Variants in ZRANB1 observed in about 807,000 individuals in gnomAD.
ZRANB1 encodes the protein ubiquitin thioesterase ZRANB1.
Under a neutral mutation model 80.5 loss-of-function variants are expected in ZRANB1, and 16 were observed. The ratio of observed to expected loss-of-function variants is 0.20; its 90% CI spans 0.13 to 0.30. The LOEUF is 0.30. ZRANB1 is among the 10% of genes least tolerant of loss of function. ZRANB1 has a pLI of 1.00. For synonymous variants in ZRANB1, 291 were observed against 293.1 expected (o/e 0.99, Z 0.07); for missense variants, 576 against 862.6 (o/e 0.67, Z 4.16).
intron 1 of ZRANB1, among the ~76,000 whole-genome samples, chr10:124,949,442 CACAT>C (rs1453349490): frequency 1.1e-5 from 1 of 88,278 alleles, no homozygotes; most frequent in East Asian, 4.0e-4. Flanking sequence ...TATGTTTACA[CACAT>C]ATGTATATAT....
the ZRANB1 span, among the ~76,000 whole-genome samples, chr10:124,934,187 G>C: frequency 6.6e-6 from 1 of 152,138 alleles, no homozygotes; most frequent in Non-Finnish European, 1.5e-5. Context: ...GTTAATTAAG[G>C]CATAGTGCTG....
At chr10:124,977,275 C>CTTT (rs201153304) in intron 5 of ZRANB1, among the ~76,000 whole-genome samples, 5 of 130,612 alleles carry the variant, frequency 3.8e-5, no homozygotes, top group African/African-American at 1.1e-4. Flanking sequence ...TGCACCTGGC[C>CTTT]TTTTTTTTTT....
chr10:124,926,448 C>CA, the ZRANB1 span, among the ~76,000 whole-genome samples: 1 of 152,114 alleles, frequency 6.6e-6, no homozygotes, highest in Admixed American at 6.5e-5. Context: ...AACTAGGACA[C>CA]ACGTTAGCTT....
At chr10:124,922,260 AATAT>A in the ZRANB1 span, among the ~76,000 whole-genome samples, 22 of 105,966 alleles carry the variant, frequency 2.1e-4, 1 homozygote, top group African/African-American at 6.3e-4. Flanking sequence ...ATATATGTAA[AATAT>A]ATATATATAT....
At chr10:124,981,577 A>G (rs1951934076) in intron 5 of ZRANB1, 132 bp from the exon 6 acceptor site, 2 of 870,992 alleles carry the variant, frequency 2.3e-6, no homozygotes, top group Non-Finnish European at 1.6e-6. Flanking sequence ...TACATTACCA[A>G]CCAGACAAAA....
At chr10:124,978,749 C>T (rs1318633257) in intron 5 of ZRANB1, among the ~76,000 whole-genome samples, 2 of 151,484 alleles carry the variant, frequency 1.3e-5, no homozygotes, top group Admixed American at 6.6e-5. Flanking sequence ...ACCTCAGCCT[C>T]CCAAGTAGCT....
the ZRANB1 span, among the ~76,000 whole-genome samples, chr10:124,928,594 A>T: frequency 6.6e-6 from 1 of 152,250 alleles, no homozygotes; most frequent in Non-Finnish European, 1.5e-5. Context: ...AAAAGATTAC[A>T]TAAAATACTG....
Position 124,987,043 on chromosome 10 carries a change from A to AATT in ZRANB1, c.*2053_*2055dup, listed in dbSNP as rs1952065692. 2 of 152,610 alleles carry AATT rather than the reference A, an allele frequency of 1.3e-5. No homozygotes were observed. Among genetic ancestry groups the AATT allele is most frequent in the Admixed American group, 6.5e-5 (1 of 15,280 alleles). 9.5% of individuals were successfully genotyped at this position (152,610 alleles called of 1,614,324 possible). A position where few individuals can be genotyped will look rare whatever the true frequency, so the allele number is the denominator to read the frequency against. On this transcript the variant is annotated 3_prime_UTR_variant, in exon 9 of 9. Transcript: ENST00000359653. ...TGCAGCATTCTTCCCTGTGGGAAAGAATTAAAGATGGTTCCATTTCCTAGG... is the reference window on the plus strand; with the variant it reads ...TGCAGCATTCTTCCCTGTGGGAAAGAATTATTAAAGATGGTTCCATTTCCTAGG...
chr10:124,936,795 G>A, the ZRANB1 span, among the ~76,000 whole-genome samples: 1 of 152,114 alleles, frequency 6.6e-6, no homozygotes, highest in African/African-American at 2.4e-5. Context: ...AGCATGCTTG[G>A]AAAATCCGTT....
Position 124,946,073 on chromosome 10 carries a change from G to A in ZRANB1, c.814+2766G>A, listed in dbSNP as rs114217553. Among the ~76,000 whole-genome samples, 1,086 of 152,258 alleles carry A rather than the reference G, an allele frequency of 7.1e-3. 17 individuals are homozygous for A. Among genetic ancestry groups the A allele is most frequent in the African/African-American group, 0.025 (1,029 of 41,552 alleles). ...CAGAGTGCCAGGATTACAGGGGTAA[G>A]CCACTGGGTCCGGCCCATCTCTTTG... On this transcript the variant is annotated intron_variant, in intron 1 of 8. Transcript: ENST00000359653.
chr10:124,981,931 AAAG>A (rs1420516205), intron 6 of ZRANB1, 102 bp downstream of exon 6: 13 of 1,436,416 alleles, frequency 9.1e-6, no homozygotes, highest in Non-Finnish European at 8.6e-6. Context: ...TGGTCAAAGA[AAAG>A]AATGCTTGAC....
chr10:124,951,067 G>A (rs747974747), intron 1 of ZRANB1, among the ~76,000 whole-genome samples: 4 of 151,714 alleles, frequency 2.6e-5, no homozygotes, highest in Non-Finnish European at 1.5e-5. Context: ...AAGTGTAGGC[G>A]TATTACATTT....
upstream of ZRANB1, chr10:124,942,072 G>A (rs2134240660): frequency 4.5e-6 from 4 of 894,606 alleles, no homozygotes; most frequent in South Asian, 1.9e-4. Context: ...AGTTTGTGTT[G>A]TTTCCTCTAC....
chr10:124,966,383 TA>T (rs1296866193), intron 1 of ZRANB1, among the ~76,000 whole-genome samples: 1 of 152,038 alleles, frequency 6.6e-6, no homozygotes, highest in African/African-American at 2.4e-5. Flanking sequence ...GATGGTAAGG[TA>T]AATGTCTAGG....
chr10:124,956,507 C>T (rs369740155), intron 1 of ZRANB1, among the ~76,000 whole-genome samples: 6 of 152,210 alleles, frequency 3.9e-5, no homozygotes, highest in East Asian at 3.9e-4. Context: ...CTTGCTCTGT[C>T]GCCCAGGCTG....
At chr10:124,978,463 G>A (rs1042980102) in intron 5 of ZRANB1, among the ~76,000 whole-genome samples, 1 of 152,194 alleles carries the variant, frequency 6.6e-6, no homozygotes, top group Non-Finnish European at 1.5e-5. Flanking sequence ...GTAGCTAGCT[G>A]TGCTGTTCTC....
In ZRANB1 at chr10:124,981,805, A is replaced by C. The variant is rs1442597832; in HGVS notation, c.1524A>C (p.Ala508=). ...AAGAACAGTGGCAAGAAGACTGGGC[A>C]TTTATACTCTCTCTTGCTAGTCAGG... ...LREEQWQEDW[A]FILSLASQPG... is the part of the protein sequence containing the mutation. The change falls in exon 6 of 9, where the codon GCA becomes GCC. Residue 508 remains alanine (A), a synonymous_variant. Transcript: ENST00000359653. The C allele has an allele frequency of 1.2e-6, 2 of 1,613,750 alleles. No homozygotes were observed. Among genetic ancestry groups the C allele is most frequent in the South Asian group, 2.2e-5 (2 of 91,022 alleles).
In ZRANB1 at chr10:124,977,711, GAAAAAAAAAAAAA is replaced by G. The variant is rs752296814; in HGVS notation, c.1427+3326_1427+3338del. Among the ~76,000 whole-genome samples, 24 of 48,722 alleles carry G rather than the reference GAAAAAAAAAAAAA, an allele frequency of 4.9e-4. 1 individual carries two copies. The South Asian group carries it at 0.013, about 25-fold the overall frequency. 32.0% of individuals were successfully genotyped at this position (48,722 alleles called of 152,430 possible). On this transcript the variant is annotated intron_variant, in intron 5 of 8. Coordinates refer to ENST00000359653, the MANE Select transcript of ZRANB1 (RefSeq NM_017580.3). ...AGGTGACAGAGTGAGACCCTGCTAAGAAAAAAAAAAAAAAAAAAAAAAAAAGATGGTTTGGTGG... is the reference window on the plus strand; with the variant it reads ...AGGTGACAGAGTGAGACCCTGCTAAGAAAAAAAAAAAAGATGGTTTGGTGG...
Position 124,974,276 on chromosome 10 carries a change from T to A in ZRANB1, c.1305T>A (p.Leu435=). Residue 435 remains leucine, a synonymous_variant, in exon 5 of 9, where the codon CTT becomes CTA. Coordinates refer to ENST00000359653, the MANE Select transcript of ZRANB1 (RefSeq NM_017580.3). ...ATRLDSRLYA[L]WNRTAGDCLL... is the part of the protein sequence containing the mutation. ...GTTTGGACAGTCGACTGTATGCACT[T>A]TGGAACCGGACTGCAGGAGACTGCC... is the stretch of plus-strand genomic sequence containing the variant. 1 of 1,614,266 alleles carries A rather than the reference T, an allele frequency of 6.2e-7. No homozygotes were observed. Among genetic ancestry groups the A allele is most frequent in the Non-Finnish European group, 8.5e-7 (1 of 1,180,046 alleles).
Sources: allele counts gnomAD v4.1 joint callset (sites outside exome capture counted in the v4.1 genomes callset), GRCh38; gene constraint gnomAD v4.1.1; transcripts MANE v1.5; gene names NCBI Gene and HGNC (gene_info 2026-07-23, HGNC 2026-07-21).